The following DMXL1 variants were observed in gnomAD, a reference collection of about 807,000 sequenced individuals.
DMXL1 encodes dmX-like protein 1.
In DMXL1, 99 loss-of-function variants were observed where a neutral mutation model predicts 319.2. The ratio of observed to expected loss-of-function variants is 0.31; its 90% CI spans 0.26 to 0.37. The LOEUF (loss-of-function observed/expected upper bound fraction) is 0.37, where lower values mean the gene tolerates loss of function less well. Among genes scored for constraint, DMXL1 ranks in the 10% least tolerant of loss-of-function variants. The pLI, the probability that DMXL1 is intolerant of heterozygous loss-of-function variation, is 1.00. For missense variants in DMXL1, 3,745 were observed against 3,595.6 expected, an observed-to-expected ratio of 1.04 and a Z score of -1.06; for synonymous variants, 1,385 against 1,235.2, an observed-to-expected ratio of 1.12 and a Z score of -2.54.
rs192989886 is a variant in DMXL1 at position 119,139,671 on chromosome 5, A to G, written c.2377-4170A>G. 7.9e-4 allele frequency among the ~76,000 whole-genome samples: 121 copies of G among 152,278 alleles called. 1 individual carries two copies. Among genetic ancestry groups the G allele is most frequent in the African/African-American group, 2.7e-3 (113 of 41,556 alleles). ...AAGAGACATAGACTCCCACACAATA[A>G]TAGTGGGAGCCTTCAACACTTCAAT... On this transcript the variant is annotated intron_variant, in intron 13 of 43. Transcript: ENST00000539542.
chr5:119,186,371 A>C (rs1581212714), intron 28 of DMXL1, among the ~76,000 whole-genome samples: 1 of 152,192 alleles, frequency 6.6e-6, no homozygotes, highest in South Asian at 2.1e-4. Context: ...CCTGGGCTCA[A>C]GTGATCCTCC....
At chr5:119,103,339 T>C (rs1363394015) in intron 3 of DMXL1, among the ~76,000 whole-genome samples, 1 of 152,234 alleles carries the variant, frequency 6.6e-6, no homozygotes, top group East Asian at 1.9e-4. Context: ...TATATATCTT[T>C]TGATAGTTTT....
At chr5:119,099,730 G>A (rs552365687) in intron 2 of DMXL1, among the ~76,000 whole-genome samples, 19 of 152,262 alleles carry the variant, frequency 1.2e-4, no homozygotes, top group African/African-American at 4.6e-4. Context: ...GGCCATGTGT[G>A]GTGGCTCATG....
chr5:119,186,009 C>T (rs957117204), intron 28 of DMXL1, among the ~76,000 whole-genome samples: 1 of 152,174 alleles, frequency 6.6e-6, no homozygotes, highest in African/African-American at 2.4e-5. Flanking sequence ...TAAAGGTTAA[C>T]ATATACCTCT....
intron 4 of DMXL1, among the ~76,000 whole-genome samples, chr5:119,106,911 T>A (rs80349275): frequency 1.8e-3 from 277 of 152,328 alleles, no homozygotes; most frequent in African/African-American, 6.3e-3. Flanking sequence ...TTTGAGAGTA[T>A]CTATGACCAC....
chr5:119,180,891 A>C (rs1425186588), intron 28 of DMXL1, among the ~76,000 whole-genome samples: 1 of 152,160 alleles, frequency 6.6e-6, no homozygotes, highest in Non-Finnish European at 1.5e-5. Flanking sequence ...TGTTGATGTA[A>C]AATGTTAAAA....
intron 32 of DMXL1, among the ~76,000 whole-genome samples, chr5:119,199,365 C>T (rs936361307): frequency 2.6e-5 from 4 of 152,148 alleles, no homozygotes; most frequent in Admixed American, 1.3e-4. Context: ...GGATAGTAAC[C>T]TCCAGCTCCA....
chr5:119,144,758 GT>G, intron 15 of DMXL1, 120 bp downstream of exon 15: 1 of 554,306 alleles, frequency 1.8e-6, no homozygotes, highest in South Asian at 3.8e-5. Flanking sequence ...GGGTAGGTTT[GT>G]TTATTAAATA....
chr5:119,117,946 T>C (rs1761200916), intron 7 of DMXL1, among the ~76,000 whole-genome samples: 1 of 152,254 alleles, frequency 6.6e-6, no homozygotes, highest in African/African-American at 2.4e-5. Flanking sequence ...AAATCAGATA[T>C]GTATGCTGGA....
At chr5:119,211,139 T>G (rs1782741455) in intron 34 of DMXL1, among the ~76,000 whole-genome samples, 1 of 152,036 alleles carries the variant, frequency 6.6e-6, no homozygotes, top group Non-Finnish European at 1.5e-5. Context: ...TCGTGATGTG[T>G]TATCCTTTTT....
Position 119,149,980 on chromosome 5 carries a change from G to T in DMXL1, c.4153G>T (p.Asp1385Tyr), listed in dbSNP as rs752034248. The change falls in exon 18 of 44, where the codon GAC becomes TAC. Residue 1385 changes from aspartate (D) to tyrosine (Y), a missense_variant. Coordinates refer to ENST00000539542, the MANE Select transcript of DMXL1 (RefSeq NM_001290321.3). ...TISASGSTTR[D>Y]PQAFNKAENT... is the part of the protein sequence containing the mutation. ...CAGTGCTAGTGGAAGCACTACCAGA[G>T]ACCCCCAGGCATTCAACAAGGCTGA... The T allele has an allele frequency of 6.2e-7, 1 of 1,613,890 alleles. No homozygotes were observed.
At chr5:119,162,874 T>C (rs1483300686) in intron 19 of DMXL1, among the ~76,000 whole-genome samples, 2 of 152,214 alleles carry the variant, frequency 1.3e-5, no homozygotes, top group African/African-American at 2.4e-5. Flanking sequence ...ATTTTCAAAG[T>C]GTTCCGTATA....
rs1220720540 is a variant in DMXL1 at position 119,234,109 on chromosome 5, G to A, written c.8466+642G>A. On this transcript the variant is annotated intron_variant, in intron 39 of 43. Transcript: ENST00000539542. ...TATGTGGCCACCTAAGAAAAAGTTT[G>A]CCAGACCTGCTCTAGAGCATCCTTT... is the stretch of plus-strand genomic sequence containing the variant. 3.2e-4 allele frequency among the ~76,000 whole-genome samples: 49 copies of A among 152,092 alleles called. 1 individual carries two copies. Among genetic ancestry groups the A allele is most frequent in the Admixed American group, 3.2e-3 (49 of 15,260 alleles).
chr5:119,247,315 T>G lies in DMXL1; in HGVS notation c.*96T>G. The G allele has an allele frequency of 1.2e-6, 1 of 840,168 alleles. No homozygotes were observed. Among genetic ancestry groups the G allele is most frequent in the South Asian group, 2.0e-5 (1 of 49,868 alleles). The allele number at this position is 840,168 out of a possible 1,614,324, so 52.0% of individuals were successfully genotyped here. On this transcript the variant is annotated 3_prime_UTR_variant, in exon 44 of 44. Transcript: ENST00000539542. ...ATTCTCTATGCCACAAATTAGCTAA[T>G]GCTTTCTTGTTTTTATATTTATTTT...
At chr5:119,178,716 T>G in intron 28 of DMXL1, 1 of 927,514 alleles carries the variant, frequency 1.1e-6, no homozygotes, top group East Asian at 1.2e-4. Context: ...GAAATAGGCT[T>G]TTATCATTCA....
chr5:119,238,995 C>T lies in DMXL1; in HGVS notation c.8566C>T (p.Gln2856Ter). The T allele has an allele frequency of 1.2e-6, 2 of 1,613,668 alleles. No individual in the cohort carries two copies. The highest frequency in any genetic ancestry group is 1.7e-6 in the Non-Finnish European group (2 of 1,179,850). ...TTGTTTGTAACCATTCCAGACTTGG[C>T]AGTGTCATAACAAAACAGCCAATGA... Reference protein sequence around the residue: ...GSMPKPYLTWQCHNKTANDFV... With the variant: ...GSMPKPYLTW The change falls in exon 41 of 44, where the codon CAG becomes TAG. Residue 2856 changes from glutamine to a stop codon, truncating the protein, a stop_gained. Coordinates refer to ENST00000539542, the MANE Select transcript of DMXL1 (RefSeq NM_001290321.3). LOFTEE classifies it high-confidence loss of function.
chr5:119,193,862 A>G lies in DMXL1; in HGVS notation c.7349A>G (p.Tyr2450Cys), dbSNP rs758620616. Reference protein sequence around the residue: ...FLPSSQSRAEYDSEESLGSDD... With the variant: ...FLPSSQSRAECDSEESLGSDD... ...CCCTCTTCTCAAAGTAGAGCCGAAT[A>G]TGATTCAGAGGAGAGTCTGGGAAGT... Residue 2450 changes from tyrosine (Y) to cysteine (C), a missense_variant, in exon 30 of 44, where the codon TAT becomes TGT. By Grantham distance (194) the Tyr-to-Cys change is radical (BLOSUM62 -2). Coordinates refer to ENST00000539542, the MANE Select transcript of DMXL1 (RefSeq NM_001290321.3). 9 of 1,612,978 alleles carry G rather than the reference A, an allele frequency of 5.6e-6. No homozygotes were observed. Among genetic ancestry groups the G allele is most frequent in the African/African-American group, 1.3e-5 (1 of 74,868 alleles).
In DMXL1 at chr5:119,177,141, T is replaced by C. The variant is rs553206343; in HGVS notation, c.6759-216T>C. On this transcript the variant is annotated intron_variant, in intron 26 of 43. Coordinates refer to ENST00000539542, the MANE Select transcript of DMXL1 (RefSeq NM_001290321.3). ...GATTTAGTTTTCTCATTTGTACTTA[T>C]TCTGTCCCTTAAAATGTGTTTTAAT... is the stretch of plus-strand genomic sequence containing the variant. 1.4e-4 allele frequency among the ~76,000 whole-genome samples: 22 copies of C among 152,272 alleles called. No individual in the cohort carries two copies. The East Asian group carries it at 3.1e-3, about 21-fold the overall frequency.
chr5:119,108,875 C>G (rs906371737), intron 4 of DMXL1, among the ~76,000 whole-genome samples: 4 of 151,970 alleles, frequency 2.6e-5, no homozygotes, highest in Non-Finnish European at 5.9e-5. Context: ...GATCTCAACT[C>G]ACTGCAACCT....
Sources: gnomAD v4.1 joint callset for allele counts (sites outside exome capture counted in the v4.1 genomes callset) on GRCh38, gnomAD v4.1.1 for gene constraint, MANE v1.5 for transcripts, NCBI Gene and HGNC (gene_info 2026-07-23, HGNC 2026-07-21) for gene names.